Variants in ADAMTSL1 observed in about 807,000 individuals in gnomAD.
ADAMTSL1 encodes ADAMTS-like protein 1.
Under a neutral mutation model 201.8 loss-of-function variants are expected in ADAMTSL1, and 126 were observed. The ratio of observed to expected loss-of-function variants is 0.62; its 90% CI spans 0.54 to 0.72. The LOEUF is 0.72. Among genes scored for constraint, ADAMTSL1 ranks in the 30% least tolerant of loss-of-function variants. The probability of loss-of-function intolerance (pLI) is 0.00; values close to 1 mark genes in which losing one functional copy is unlikely to be tolerated. For synonymous variants in ADAMTSL1, 1,121 were observed against 903.4 expected (o/e 1.24, Z -4.32); for missense variants, 2,679 against 2,277.8 (o/e 1.18, Z -3.59).
intron 15 of ADAMTSL1, among the ~76,000 whole-genome samples, chr9:18,738,982 C>G (rs556361246): frequency 2.0e-5 from 3 of 152,290 alleles, no homozygotes; most frequent in South Asian, 4.2e-4. Flanking sequence ...ATTAAGAACT[C>G]TGGAGTGAGA....
At position 18,568,225 on chromosome 9, in the gene ADAMTSL1, A is replaced by G. The variant is rs938409625; in HGVS notation, c.238-5805A>G. 5.3e-5 allele frequency among the ~76,000 whole-genome samples: 8 copies of G among 152,284 alleles called. No homozygotes were observed. In the East Asian group the frequency reaches 1.4e-3, roughly 26 times the overall value. On this transcript the variant is annotated intron_variant, in intron 3 of 28. Transcript: ENST00000380548. Reference sequence around the variant, plus strand: ...TTTTTTTTTTCCGAGAACAAAATATAGTACATTGGATTTTATCGATGGATA... The same window carrying G: ...TTTTTTTTTTCCGAGAACAAAATATGGTACATTGGATTTTATCGATGGATA...
intron 2 of ADAMTSL1, among the ~76,000 whole-genome samples, chr9:18,180,267 C>A (rs1828396200): frequency 6.6e-6 from 1 of 152,210 alleles, no homozygotes. Context: ...GGCACGGTGG[C>A]TCACGCCTGT....
chr9:18,231,276 A>T (rs1563823282), intron 2 of ADAMTSL1, among the ~76,000 whole-genome samples: 2 of 152,042 alleles, frequency 1.3e-5, no homozygotes, highest in Non-Finnish European at 2.9e-5. Flanking sequence ...TATCTCTCTA[A>T]ATCTCATTCA....
intron 1 of ADAMTSL1, among the ~76,000 whole-genome samples, chr9:18,131,684 T>C (rs568763320): frequency 6.6e-6 from 1 of 152,292 alleles, no homozygotes; most frequent in African/African-American, 2.4e-5. Flanking sequence ...GTGACCTCTC[T>C]CATCATTTCC....
chr9:18,566,340 A>G (rs1360498258), intron 3 of ADAMTSL1, among the ~76,000 whole-genome samples: 1 of 152,204 alleles, frequency 6.6e-6, no homozygotes, highest in African/African-American at 2.4e-5. Flanking sequence ...GCCAAATGGG[A>G]AAAGATTGCT....
chr9:18,661,353 T>C (rs961060007), intron 8 of ADAMTSL1, among the ~76,000 whole-genome samples: 7 of 152,106 alleles, frequency 4.6e-5, no homozygotes, highest in Non-Finnish European at 7.4e-5. Context: ...GGAAACAGGA[T>C]TCGTGATGTC....
intron 2 of ADAMTSL1, among the ~76,000 whole-genome samples, chr9:18,308,404 A>T (rs57395467): frequency 0.042 from 6,396 of 152,242 alleles, 458 homozygotes; most frequent in African/African-American, 0.15. Flanking sequence ...TGAATCCAGG[A>T]GCTGGTTTTT....
chr9:18,219,019 G>C (rs1830154083), intron 2 of ADAMTSL1, among the ~76,000 whole-genome samples: 2 of 151,796 alleles, frequency 1.3e-5, no homozygotes, highest in Non-Finnish European at 1.5e-5. Context: ...TGCTACATCT[G>C]TCATATATCA....
chr9:18,906,826 C>A lies in ADAMTSL1; in HGVS notation c.5096C>A (p.Thr1699Asn). The change falls in exon 28 of 29, where the codon ACC becomes AAC. Residue 1699 changes from threonine to asparagine, a missense_variant. Coordinates refer to ENST00000380548, the MANE Select transcript of ADAMTSL1 (RefSeq NM_001040272.6). Reference protein sequence around the residue: ...SRRVECVHARTNKAVPEHLCS... With the variant: ...SRRVECVHARNNKAVPEHLCS... ...CGTGTGGAGTGTGTGCATGCCCGCA[C>A]CAACAAGGCAGTGCCTGAGCACCTG... 1 of 1,614,014 alleles carries A rather than the reference C, an allele frequency of 6.2e-7. No individual in the cohort carries two copies. Among genetic ancestry groups the A allele is most frequent in the Non-Finnish European group, 8.5e-7 (1 of 1,179,884 alleles).
At chr9:18,688,016 G>A (rs1830942385) in intron 13 of ADAMTSL1, among the ~76,000 whole-genome samples, 1 of 151,798 alleles carries the variant, frequency 6.6e-6, no homozygotes, top group Non-Finnish European at 1.5e-5. Flanking sequence ...ACTTCTACAT[G>A]TTGATTTTTT....
At chr9:18,149,240 A>G (rs1446574641) in intron 1 of ADAMTSL1, among the ~76,000 whole-genome samples, 5 of 152,048 alleles carry the variant, frequency 3.3e-5, no homozygotes, top group South Asian at 2.1e-4. Context: ...ATAAACCTAT[A>G]GAGTTATAGG....
In ADAMTSL1 at chr9:18,324,803, T is replaced by C. The variant is rs146210715; in HGVS notation, c.207+160822T>C. On this transcript the variant is annotated intron_variant, in intron 2 of 29. Transcript: ENST00000680146. ...ATACACTACATCAAAATTTTAAATG[T>C]ATCTTCACCAAAAGACACCATTATG... Among the ~76,000 whole-genome samples the C allele has an allele frequency of 3.9e-5, 6 of 151,964 alleles. No individual in the cohort carries two copies. In the East Asian group the frequency reaches 9.7e-4, roughly 25 times the overall value.
In ADAMTSL1 at chr9:18,777,014, T is replaced by C. The variant is rs759016241; in HGVS notation, c.2785T>C (p.Phe929Leu). ...ISSTHVTVAP[F>L]GYLKIHRLKP... ...CTCGACGCACGTCACGGTGGCCCCC[T>C]TCGGCTATCTCAAGATCCACCGCCT... The change falls in exon 19 of 29, where the codon TTC becomes CTC. Residue 929 changes from phenylalanine to leucine, a missense_variant. Physicochemically the swap from Phe to Leu is conservative, Grantham distance 22. Transcript: ENST00000380548. 18 of 1,605,992 alleles carry C rather than the reference T, an allele frequency of 1.1e-5. 1 individual carries two copies. In the East Asian group the frequency reaches 4.0e-4, roughly 36 times the overall value.
At chr9:18,790,414 A>G (rs1383880703) in intron 19 of ADAMTSL1, among the ~76,000 whole-genome samples, 1 of 152,206 alleles carries the variant, frequency 6.6e-6, no homozygotes, top group East Asian at 1.9e-4. Context: ...GTGGTGTCAC[A>G]GTTGAGCCAA....
In ADAMTSL1 at chr9:18,081,274, G is replaced by A. The variant is rs75277428; in HGVS notation, c.88-82588G>A. ...CCATCAAGTCTAGTGTGTATGCTATGTATCCCCAAATATAATATTCAGAGT... is the reference window on the plus strand; with the variant it reads ...CCATCAAGTCTAGTGTGTATGCTATATATCCCCAAATATAATATTCAGAGT... On this transcript the variant is annotated intron_variant, in intron 1 of 29. Transcript: ENST00000680146. Among the ~76,000 whole-genome samples, 596 of 152,170 alleles carry A rather than the reference G, an allele frequency of 3.9e-3. 5 individuals are homozygous for A. Among genetic ancestry groups the A allele is most frequent in the African/African-American group, 0.013 (540 of 41,538 alleles).
At chr9:18,220,360 C>A (rs1830210301) in intron 2 of ADAMTSL1, among the ~76,000 whole-genome samples, 1 of 152,022 alleles carries the variant, frequency 6.6e-6, no homozygotes, top group African/African-American at 2.4e-5. Flanking sequence ...CTCCTTTTAC[C>A]ATTATGTAGT....
At chr9:18,740,580 G>A (rs547574899) in intron 15 of ADAMTSL1, among the ~76,000 whole-genome samples, 3 of 147,692 alleles carry the variant, frequency 2.0e-5, no homozygotes, top group Admixed American at 6.9e-5. Flanking sequence ...CGGTTCCAGC[G>A]ATTCTCCTGC....
At chr9:18,304,418 C>G (rs1833828731) in intron 2 of ADAMTSL1, among the ~76,000 whole-genome samples, 1 of 149,324 alleles carries the variant, frequency 6.7e-6, no homozygotes, top group African/African-American at 2.6e-5. Context: ...TTCCACTGTA[C>G]TGTGCCTAGT....
chr9:18,076,478 G>A (rs569253380), intron 1 of ADAMTSL1, among the ~76,000 whole-genome samples: 1 of 152,288 alleles, frequency 6.6e-6, no homozygotes, highest in South Asian at 2.1e-4. Flanking sequence ...GAAATGATAA[G>A]GGCACAGTGA....
Sources: allele counts gnomAD v4.1 joint callset (sites outside exome capture counted in the v4.1 genomes callset), GRCh38; gene constraint gnomAD v4.1.1; transcripts MANE v1.5; gene names NCBI Gene and HGNC (gene_info 2026-07-23, HGNC 2026-07-21).